The following FAM118B variants were observed in gnomAD, a reference collection of about 807,000 sequenced individuals.
FAM118B encodes protein FAM118B.
A neutral mutation model predicts 38.5 loss-of-function variants in FAM118B; 24 were observed. That is an observed-to-expected ratio of 0.62 (90% CI 0.45 to 0.88). The LOEUF is 0.88. Ranked by LOEUF, FAM118B falls within the 40% of genes least tolerant of loss-of-function variation. The pLI is 0.00. For missense variants in FAM118B, 334 were observed against 420.0 expected (o/e 0.80, Z 1.79); for synonymous variants, 138 against 156.3 (o/e 0.88, Z 0.87).
intron 1 of FAM118B, among the ~76,000 whole-genome samples, chr11:126,215,718 G>T (rs112699255): frequency 0.013 from 1,538 of 117,848 alleles, 34 homozygotes; most frequent in African/African-American, 0.042. Context: ...AAAAAAAAAT[G>T]TCCTAAATGG....
chr11:126,239,473 T>C (rs1231424077), intron 3 of FAM118B, among the ~76,000 whole-genome samples: 2 of 152,254 alleles, frequency 1.3e-5, no homozygotes, highest in Non-Finnish European at 2.9e-5. Context: ...CTATCTTGAT[T>C]GCTCTGAACT....
At chr11:126,228,971 A>G (rs1950176636) in intron 1 of FAM118B, among the ~76,000 whole-genome samples, 1 of 152,236 alleles carries the variant, frequency 6.6e-6, no homozygotes. Context: ...CTCTGTTGAC[A>G]TAAAAGTAAG....
At chr11:126,257,119 G>T (rs1950590097) in intron 7 of FAM118B, among the ~76,000 whole-genome samples, 1 of 152,212 alleles carries the variant, frequency 6.6e-6, no homozygotes, top group Admixed American at 6.5e-5. Context: ...TCAATGAAAT[G>T]CAGTTTGAAT....
rs1950511447 is a variant in FAM118B at position 126,252,074 on chromosome 11, C to T, written c.567+1341C>T. On this transcript the variant is annotated intron_variant, in intron 5 of 8. Transcript: ENST00000533050. This position sits in a 1 kb window ranked among gnomAD's most constrained non-coding sequence, Gnocchi z 4.7. ...TGATCTCAGCTCACTGCAACCTCCT[C>T]CTCCTGGGTTCAAGCGATTCTCCTG... is the stretch of plus-strand genomic sequence containing the variant. 6.6e-6 allele frequency among the ~76,000 whole-genome samples: 1 copy of T among 151,770 alleles called. No individual in the cohort carries two copies. Among genetic ancestry groups the T allele is most frequent in the African/African-American group, 2.4e-5 (1 of 41,276 alleles).
At chr11:126,260,546 TA>T (rs537618076) in intron 7 of FAM118B, 203 of 152,348 alleles carry the variant, frequency 1.3e-3, no homozygotes, top group African/African-American at 4.5e-3. Context: ...CAACGTCTGA[TA>T]TTTTTTTTGC....
In FAM118B at chr11:126,240,900, G is replaced by C. The variant is rs1565333625; in HGVS notation, c.195G>C (p.Trp65Cys). 1 of 1,614,204 alleles carries C rather than the reference G, an allele frequency of 6.2e-7. No individual in the cohort carries two copies. Among genetic ancestry groups the C allele is most frequent in the Non-Finnish European group, 8.5e-7 (1 of 1,180,030 alleles). The change falls in exon 4 of 9, where the codon TGG becomes TGC. Residue 65 changes from tryptophan (W) to cysteine (C), a missense_variant. This residue lies in a region of FAM118B where 240 missense variants were observed against 295.9 expected (regional missense o/e 0.81). Coordinates refer to ENST00000533050, the MANE Select transcript of FAM118B (RefSeq NM_024556.4). ...CCCAAGTTCCAGCCCTCAAATCCTG[G>C]AAGGGGTTAATTCAGGCCTTACTGG... The part of the protein sequence containing the change: ...VAPQVPALKS[W>C]KGLIQALLDA...
At chr11:126,239,367 T>C (rs184018516) in intron 3 of FAM118B, among the ~76,000 whole-genome samples, 90 of 152,302 alleles carry the variant, frequency 5.9e-4, no homozygotes, top group African/African-American at 2.1e-3. Context: ...CCTTATTCTC[T>C]GCTATCCCCA....
intron 1 of FAM118B, among the ~76,000 whole-genome samples, chr11:126,219,156 G>GA (rs1461726294): frequency 6.6e-6 from 1 of 151,896 alleles, no homozygotes; most frequent in Non-Finnish European, 1.5e-5. Context: ...CTTGAAAAAA[G>GA]AAAAACTCCT....
At chr11:126,217,623 G>GC (rs954645958) in intron 1 of FAM118B, among the ~76,000 whole-genome samples, 1 of 152,114 alleles carries the variant, frequency 6.6e-6, no homozygotes, top group African/African-American at 2.4e-5. Flanking sequence ...TTGGAGCCCT[G>GC]CCCCCTCCTC....
intron 3 of FAM118B, among the ~76,000 whole-genome samples, chr11:126,239,064 C>G (rs1950319798): frequency 6.6e-6 from 1 of 151,680 alleles, no homozygotes; most frequent in Non-Finnish European, 1.5e-5. Context: ...CCTCAGCCTC[C>G]TGGGCTCACG....
chr11:126,261,870 T>C (rs917703987), intron 8 of FAM118B, among the ~76,000 whole-genome samples: 4 of 152,076 alleles, frequency 2.6e-5, no homozygotes, highest in African/African-American at 9.7e-5. Flanking sequence ...TGTGTGCCTA[T>C]AGTCCCGGCT....
chr11:126,229,510 T>C lies in FAM118B; in HGVS notation c.-8+217T>C, dbSNP rs572312701. Among the ~76,000 whole-genome samples, 5 of 152,238 alleles carry C rather than the reference T, an allele frequency of 3.3e-5. No individual in the cohort carries two copies. The South Asian group carries it at 1.0e-3, about 32-fold the overall frequency. On this transcript the variant is annotated intron_variant, in intron 2 of 8. Coordinates refer to ENST00000533050, the MANE Select transcript of FAM118B (RefSeq NM_024556.4). The stretch of plus-strand genomic sequence containing the variant: ...CAAGCTGCAGTGCAGTGGCGCCATC[T>C]CGGCTACCTGCAACCTCTGCCTCCC...
intron 3 of FAM118B, among the ~76,000 whole-genome samples, chr11:126,238,816 G>C (rs1950315450): frequency 6.6e-6 from 1 of 151,574 alleles, no homozygotes. Context: ...GTAAAATGTT[G>C]TTGCCCTTTG....
intron 2 of FAM118B, among the ~76,000 whole-genome samples, chr11:126,231,499 T>C (rs1192728177): frequency 4.6e-5 from 7 of 152,228 alleles, no homozygotes; most frequent in African/African-American, 1.4e-4. Context: ...GATTGTATCA[T>C]GTGAGGCATC....
intron 1 of FAM118B, among the ~76,000 whole-genome samples, chr11:126,213,837 G>C (rs1591495595): frequency 1.3e-5 from 2 of 152,362 alleles, no homozygotes; most frequent in East Asian, 3.9e-4. Context: ...CACACACTTA[G>C]TGACTTAAGA....
chr11:126,222,975 G>T (rs1950084120), intron 1 of FAM118B, among the ~76,000 whole-genome samples: 1 of 152,124 alleles, frequency 6.6e-6, no homozygotes, highest in Admixed American at 6.5e-5. Context: ...TGGGGTAAAG[G>T]GAGTGGAAAA....
chr11:126,232,660 T>C (rs1317180400), intron 2 of FAM118B, among the ~76,000 whole-genome samples: 1 of 151,822 alleles, frequency 6.6e-6, no homozygotes, highest in Non-Finnish European at 1.5e-5. Context: ...TAAAAACAAC[T>C]TAAAAAATAT....
At chr11:126,223,381 C>G (rs1457659163) in intron 1 of FAM118B, among the ~76,000 whole-genome samples, 1 of 151,868 alleles carries the variant, frequency 6.6e-6, no homozygotes, top group East Asian at 1.9e-4. Context: ...GGGCAGATCA[C>G]GAGTCAGGAG....
intron 7 of FAM118B, among the ~76,000 whole-genome samples, chr11:126,259,600 T>C (rs987168895): frequency 1.3e-5 from 2 of 151,312 alleles, no homozygotes; most frequent in Non-Finnish European, 2.9e-5. Flanking sequence ...TAATTTTTTG[T>C]ATTTTTAGTA....
Sources: gnomAD v4.1 joint callset for allele counts (sites outside exome capture counted in the v4.1 genomes callset) on GRCh38, gnomAD v4.1.1 for gene constraint, gnomAD v4.1.1 regional missense constraint, Gnocchi (gnomAD v3.1) non-coding constraint, MANE v1.5 for transcripts, NCBI Gene and HGNC (gene_info 2026-07-23, HGNC 2026-07-21) for gene names.